Variants in INPP5A observed in about 807,000 individuals in gnomAD.
INPP5A encodes the protein inositol polyphosphate-5-phosphatase A.
A neutral mutation model predicts 65.2 loss-of-function variants in INPP5A; 14 were observed. That is an observed-to-expected ratio of 0.21 (90% CI 0.14 to 0.34). The LOEUF (loss-of-function observed/expected upper bound fraction) is 0.34, where lower values mean the gene tolerates loss of function less well. INPP5A is among the 10% of genes least tolerant of loss of function. The probability of loss-of-function intolerance (pLI) is 1.00; values close to 1 mark genes in which losing one functional copy is unlikely to be tolerated. For missense variants in INPP5A, 431 were observed against 545.6 expected (o/e 0.79, Z 2.09); for synonymous variants, 207 against 208.3 (o/e 0.99, Z 0.05).
chr10:132,649,379 T>C (rs2072542219), intron 3 of INPP5A, among the ~76,000 whole-genome samples: 1 of 152,262 alleles, frequency 6.6e-6, no homozygotes, highest in East Asian at 1.9e-4. Flanking sequence ...CTTCGTAGGA[T>C]GACGGGACAC....
rs533795783 is a variant in INPP5A, at chr10:132,640,621, C to T, written c.118-5247C>T. Among the ~76,000 whole-genome samples, 169 of 152,368 alleles carry T rather than the reference C, an allele frequency of 1.1e-3. 1 individual carries two copies. The highest frequency in any genetic ancestry group is 3.9e-3 in the African/African-American group (164 of 41,588). On this transcript the variant is annotated intron_variant, in intron 2 of 15. Transcript: ENST00000368594. Reference sequence around the variant, plus strand: ...GCCTCTCTTTACCTCTCAGCCTCCTCGGGCACATGTTTTGTTTGTAGTGTG... The same window carrying T: ...GCCTCTCTTTACCTCTCAGCCTCCTTGGGCACATGTTTTGTTTGTAGTGTG...
intron 4 of INPP5A, among the ~76,000 whole-genome samples, chr10:132,677,225 C>T (rs919941833): frequency 1.3e-5 from 2 of 152,236 alleles, no homozygotes; most frequent in Non-Finnish European, 1.5e-5. Flanking sequence ...CTCTCCAGAG[C>T]CCATCCCAGC....
intron 3 of INPP5A, among the ~76,000 whole-genome samples, chr10:132,649,941 A>G (rs182427755): frequency 1.4e-3 from 206 of 152,208 alleles, no homozygotes; most frequent in African/African-American, 4.7e-3. Context: ...TGGCAACTCA[A>G]CCACCATTCT....
In INPP5A at chr10:132,726,896, C is replaced by T. The variant is rs945943; in HGVS notation, c.723C>T (p.Ser241=). The T allele has an allele frequency of 0.081, 130,446 of 1,606,478 alleles. 5,818 individuals are homozygous for T. The highest frequency in any genetic ancestry group is 0.12 in the African/African-American group (8,758 of 74,838). The change falls in exon 9 of 16, where the codon TCC becomes TCT. Residue 241 remains serine (S), a synonymous_variant. Transcript: ENST00000368594. ...TCAACTTCCGGCTGGATTCCAAGTC[C>T]GTCGTGGAGGTAGGCGCTGGCTTCC... ...GDFNFRLDSK[S]VVETLCTKAT...
intron 2 of INPP5A, among the ~76,000 whole-genome samples, chr10:132,636,660 A>G (rs906096943): frequency 6.6e-6 from 1 of 152,158 alleles, no homozygotes; most frequent in African/African-American, 2.4e-5. Context: ...CCATTTGGTT[A>G]TTTATGGAAG....
chr10:132,683,825 C>G (rs2073083713), intron 4 of INPP5A, among the ~76,000 whole-genome samples: 1 of 152,194 alleles, frequency 6.6e-6, no homozygotes, highest in African/African-American at 2.4e-5. Flanking sequence ...AGTGATTCTC[C>G]TGCCTCAGCC....
chr10:132,731,483 G>A (rs547081500), intron 9 of INPP5A, among the ~76,000 whole-genome samples: 5 of 152,270 alleles, frequency 3.3e-5, no homozygotes, highest in Admixed American at 3.3e-4. Flanking sequence ...GGGAGTGACC[G>A]CATCCCTCCT....
intron 1 of INPP5A, among the ~76,000 whole-genome samples, chr10:132,584,774 C>G (rs2071527360): frequency 6.6e-6 from 1 of 152,200 alleles, no homozygotes; most frequent in African/African-American, 2.4e-5. Context: ...CTCCCTCTGT[C>G]ACCCAGGCTA....
intron 1 of INPP5A, among the ~76,000 whole-genome samples, chr10:132,597,167 G>A (rs535358500): frequency 5.9e-5 from 9 of 152,330 alleles, no homozygotes; most frequent in South Asian, 2.1e-4. Context: ...GTGTGTGTGC[G>A]CATGTGTGCG....
At chr10:132,541,226 C>T (rs2070902837) in intron 1 of INPP5A, among the ~76,000 whole-genome samples, 2 of 152,216 alleles carry the variant, frequency 1.3e-5, no homozygotes, top group Non-Finnish European at 2.9e-5. Context: ...AATCCACCTG[C>T]CTCGGCTTCC....
chr10:132,781,853 T>C lies in INPP5A; in HGVS notation c.1159-8T>C. On this transcript the variant is annotated splice_region_variant and splice_polypyrimidine_tract_variant and intron_variant, in intron 14 of 15. Transcript: ENST00000368594. ...CCGTGCTGACACCGTCCTCTCTTCC[T>C]GCTGCAGCCCGTGTTCCTGGCCTTC... 6.2e-7 allele frequency: 1 copy of C among 1,612,988 alleles called. No individual in the cohort carries two copies.
intron 1 of INPP5A, among the ~76,000 whole-genome samples, chr10:132,585,335 T>C (rs889018977): frequency 6.6e-6 from 1 of 152,252 alleles, no homozygotes; most frequent in African/African-American, 2.4e-5. Context: ...GGTCAGAAAC[T>C]AGGTAAGATA....
At chr10:132,544,205 C>T (rs2070939927) in intron 1 of INPP5A, among the ~76,000 whole-genome samples, 1 of 152,240 alleles carries the variant, frequency 6.6e-6, no homozygotes, top group Non-Finnish European at 1.5e-5. Flanking sequence ...TGTGGGTGCC[C>T]ACTCCCAGCG....
chr10:132,615,407 G>A (rs942641673), intron 2 of INPP5A, among the ~76,000 whole-genome samples: 4 of 152,216 alleles, frequency 2.6e-5, no homozygotes, highest in Non-Finnish European at 5.9e-5. Flanking sequence ...GCTTTCACAC[G>A]TGACTTTTCT....
chr10:132,736,317 C>T (rs1051318390), intron 9 of INPP5A, among the ~76,000 whole-genome samples: 2 of 152,354 alleles, frequency 1.3e-5, no homozygotes, highest in African/African-American at 2.4e-5. Flanking sequence ...CCACGCGGCC[C>T]GACCGCACAC....
In INPP5A at chr10:132,671,150, G is replaced by C. The variant is rs150904663; in HGVS notation, c.307-19242G>C. On this transcript the variant is annotated intron_variant, in intron 4 of 15. Coordinates refer to ENST00000368594, the MANE Select transcript of INPP5A (RefSeq NM_005539.5). ...GAGTGAGGCATGGGCATGTGGGCACGCCTCCATCTGTCAGGAGTGTCCCTG... is the reference window on the plus strand; with the variant it reads ...GAGTGAGGCATGGGCATGTGGGCACCCCTCCATCTGTCAGGAGTGTCCCTG... Among the ~76,000 whole-genome samples, 645 of 152,168 alleles carry C rather than the reference G, an allele frequency of 4.2e-3. 1 individual carries two copies. Among genetic ancestry groups the C allele is most frequent in the South Asian group, 7.3e-3 (35 of 4,818 alleles).
chr10:132,682,105 CTGGGAAGGTGGACAGCGTCCTGGAGG>C (rs1451453778), intron 4 of INPP5A, among the ~76,000 whole-genome samples: 21 of 152,092 alleles, frequency 1.4e-4, no homozygotes, highest in Admixed American at 3.9e-4. Context: ...ACAGTTTCAG[CTGGGAAGGTGGACAGCGTCCTGGAGG>C]TGGGAAGGTG....
intron 13 of INPP5A, among the ~76,000 whole-genome samples, chr10:132,780,121 A>G (rs1460114509): frequency 6.6e-6 from 1 of 152,212 alleles, no homozygotes; most frequent in African/African-American, 2.4e-5. Flanking sequence ...CTGGAAAGTA[A>G]ATCTGACCTT....
At chr10:132,625,917 G>A (rs1035319492) in intron 2 of INPP5A, among the ~76,000 whole-genome samples, 2 of 151,718 alleles carry the variant, frequency 1.3e-5, no homozygotes, top group Admixed American at 6.6e-5. Context: ...ACTTGAGGTA[G>A]TTTATACACA....
Sources: allele counts gnomAD v4.1 joint callset (sites outside exome capture counted in the v4.1 genomes callset), GRCh38; gene constraint gnomAD v4.1.1; transcripts MANE v1.5; gene names NCBI Gene and HGNC (gene_info 2026-07-23, HGNC 2026-07-21).